Variants in UBE2V2 observed in about 807,000 individuals in gnomAD.
UBE2V2 encodes ubiquitin-conjugating enzyme E2 variant 2.
Under a neutral mutation model 17.2 loss-of-function variants are expected in UBE2V2, and 9 were observed. The ratio of observed to expected loss-of-function variants is 0.52; its 90% CI spans 0.32 to 0.91. UBE2V2 has a LOEUF of 0.91. UBE2V2 is among the 40% of genes least tolerant of loss of function. The pLI is 0.04. For synonymous variants in UBE2V2, 61 were observed against 57.5 expected, an observed-to-expected ratio of 1.06 and a Z score of -0.28; for missense variants, 133 against 182.6, an observed-to-expected ratio of 0.73 and a Z score of 1.56.
At chr8:48,047,911 G>A (rs2091510185) in intron 2 of UBE2V2, among the ~76,000 whole-genome samples, 1 of 150,984 alleles carries the variant, frequency 6.6e-6, no homozygotes, top group Admixed American at 6.6e-5. Context: ...GATATTTACT[G>A]TAAGAATTGG....
chr8:48,062,939 G>A lies in UBE2V2; in HGVS notation c.*2111G>A, dbSNP rs1266664434. Reference sequence around the variant, plus strand: ...TCTTTAAAAATTTTTAATGGTTAAAGATTAAATTGAATGAAACTGTAGTCT... The same window carrying A: ...TCTTTAAAAATTTTTAATGGTTAAAAATTAAATTGAATGAAACTGTAGTCT... On this transcript the variant is annotated 3_prime_UTR_variant, in exon 4 of 4. Coordinates refer to ENST00000523111, the MANE Select transcript of UBE2V2 (RefSeq NM_003350.3). 1 of 152,180 alleles carries A rather than the reference G, an allele frequency of 6.6e-6. No homozygotes were observed. The highest frequency in any genetic ancestry group is 1.5e-5 in the Non-Finnish European group (1 of 68,032). The allele number at this position is 152,180 out of a possible 1,614,324, so 9.4% of individuals were successfully genotyped here.
chr8:48,033,746 C>A (rs2091400670), intron 1 of UBE2V2, among the ~76,000 whole-genome samples: 1 of 151,814 alleles, frequency 6.6e-6, no homozygotes, highest in Non-Finnish European at 1.5e-5. Flanking sequence ...TCACTTGAGC[C>A]CAGGAGTTCG....
rs1008100261 is a variant in UBE2V2 at position 48,061,783 on chromosome 8, G to A, written c.*955G>A. On this transcript the variant is annotated 3_prime_UTR_variant, in exon 4 of 4. Coordinates refer to ENST00000523111, the MANE Select transcript of UBE2V2 (RefSeq NM_003350.3). Reference sequence around the variant, plus strand: ...AGGAGTCCTAGGTATTATATTTTGAGTTTGATTTCACCAGAAATAATAATA... The same window carrying A: ...AGGAGTCCTAGGTATTATATTTTGAATTTGATTTCACCAGAAATAATAATA... 6.6e-6 allele frequency: 1 copy of A among 152,124 alleles called. No individual in the cohort carries two copies. Among genetic ancestry groups the A allele is most frequent in the Admixed American group, 6.5e-5 (1 of 15,270 alleles). 9.4% of individuals were successfully genotyped at this position (152,124 alleles called of 1,614,324 possible). A position where few individuals can be genotyped will look rare whatever the true frequency, so the allele number is the denominator to read the frequency against.
intron 1 of UBE2V2, among the ~76,000 whole-genome samples, chr8:48,040,978 C>A (rs1386972242): frequency 1.4e-4 from 21 of 149,176 alleles, no homozygotes; most frequent in African/African-American, 5.2e-4. Context: ...CATTCTCCTG[C>A]CTCAGCCTCC....
In UBE2V2 at chr8:48,032,204, A is replaced by G. The variant is rs574194111; in HGVS notation, c.17-10829A>G. Among the ~76,000 whole-genome samples, 28 of 152,336 alleles carry G rather than the reference A, an allele frequency of 1.8e-4. No homozygotes were observed. The East Asian group carries it at 5.4e-3, about 29-fold the overall frequency. The stretch of plus-strand genomic sequence containing the variant: ...CATACTGACGTGTTCTCATTTGTTA[A>G]CTGAATACTAAGCAATTGTGATCAA... On this transcript the variant is annotated intron_variant, in intron 1 of 3. Transcript: ENST00000523111.
At chr8:48,036,450 T>C (rs2091425781) in intron 1 of UBE2V2, among the ~76,000 whole-genome samples, 1 of 151,432 alleles carries the variant, frequency 6.6e-6, no homozygotes, top group African/African-American at 2.4e-5. Context: ...TATATATTTT[T>C]TGAGACAGAG....
intron 1 of UBE2V2, among the ~76,000 whole-genome samples, chr8:48,012,654 G>C (rs2091241125): frequency 6.6e-6 from 1 of 151,846 alleles, no homozygotes; most frequent in Admixed American, 6.6e-5. Context: ...GGAGGCAGAG[G>C]TTGTGGTGAG....
chr8:48,034,919 C>T (rs1460198119), intron 1 of UBE2V2: 12 of 561,868 alleles, frequency 2.1e-5, no homozygotes, highest in Admixed American at 1.3e-4. Flanking sequence ...TTGCCCGGGA[C>T]GCCTTGCTCC....
chr8:48,001,344 A>T, the UBE2V2 span, among the ~76,000 whole-genome samples: 2 of 152,186 alleles, frequency 1.3e-5, no homozygotes, highest in Non-Finnish European at 2.9e-5. Context: ...ACATGCCTGT[A>T]ATCCTAGCAC....
chr8:48,015,587 T>G (rs2091262931), intron 1 of UBE2V2, among the ~76,000 whole-genome samples: 1 of 152,132 alleles, frequency 6.6e-6, no homozygotes, highest in Non-Finnish European at 1.5e-5. Flanking sequence ...GCTCTTAAAC[T>G]TGTTCCTCCT....
chr8:48,006,965 C>T (rs994339082), upstream of UBE2V2, among the ~76,000 whole-genome samples: 1 of 151,964 alleles, frequency 6.6e-6, no homozygotes, highest in Non-Finnish European at 1.5e-5. Flanking sequence ...ACTGCAAGCT[C>T]CAACTCCCGG....
chr8:48,010,410 T>G (rs1165918549), intron 1 of UBE2V2, among the ~76,000 whole-genome samples: 3 of 150,126 alleles, frequency 2.0e-5, no homozygotes, highest in African/African-American at 7.3e-5. Flanking sequence ...TTTTTTTTTT[T>G]TTTTTTTTTG....
At chr8:48,016,046 C>G (rs866127864) in intron 1 of UBE2V2, among the ~76,000 whole-genome samples, 2 of 151,870 alleles carry the variant, frequency 1.3e-5, no homozygotes, top group African/African-American at 4.8e-5. Flanking sequence ...TACTGGCACC[C>G]GCCGCCAAGC....
chr8:48,055,767 T>C (rs1315021433), intron 3 of UBE2V2, among the ~76,000 whole-genome samples: 3 of 290 alleles, frequency 0.01, no homozygotes, highest in Non-Finnish European at 0.013. Context: ...ACTTTCTGTC[T>C]TTTTTTTTTT....
At chr8:48,035,131 T>TTTTTTTTTTC (rs2091413465) in intron 1 of UBE2V2, 1 of 908,874 alleles carries the variant, frequency 1.1e-6, no homozygotes, top group Non-Finnish European at 1.3e-6. Context: ...TTTTTTTTTT[T>TTTTTTTTTTC]TGGAGGTGGA....
chr8:48,001,463 T>G, the UBE2V2 span, among the ~76,000 whole-genome samples: 1 of 152,048 alleles, frequency 6.6e-6, no homozygotes, highest in African/African-American at 2.4e-5. Flanking sequence ...AGCCAGACAT[T>G]GTGGCATGTA....
upstream of UBE2V2, among the ~76,000 whole-genome samples, chr8:48,006,782 A>C (rs2091185611): frequency 6.6e-6 from 1 of 152,220 alleles, no homozygotes; most frequent in Non-Finnish European, 1.5e-5. Flanking sequence ...CATTGATGGA[A>C]TGTATCTCAA....
chr8:48,005,395 C>T (rs1233166259), upstream of UBE2V2, among the ~76,000 whole-genome samples: 4 of 152,188 alleles, frequency 2.6e-5, no homozygotes, highest in African/African-American at 4.8e-5. Context: ...ATATTTGCCA[C>T]ATTTTCTTTA....
chr8:48,037,869 C>T (rs2091435076), intron 1 of UBE2V2, among the ~76,000 whole-genome samples: 2 of 152,214 alleles, frequency 1.3e-5, no homozygotes, highest in African/African-American at 4.8e-5. Context: ...CTTTTCTCCT[C>T]CTCTTACCTC....
Sources: gnomAD v4.1 joint callset for allele counts (sites outside exome capture counted in the v4.1 genomes callset) on GRCh38, gnomAD v4.1.1 for gene constraint, MANE v1.5 for transcripts, NCBI Gene and HGNC (gene_info 2026-07-23, HGNC 2026-07-21) for gene names.